Variants in PPIE observed in about 807,000 individuals in gnomAD.
PPIE encodes peptidyl-prolyl cis-trans isomerase E.
In PPIE, 20 loss-of-function variants were observed where a neutral mutation model predicts 38.4. That is an observed-to-expected ratio of 0.52 (90% CI 0.37 to 0.76). PPIE has a LOEUF of 0.76. Ranked by LOEUF, PPIE falls within the 30% of genes least tolerant of loss-of-function variation. The pLI, the probability that PPIE is intolerant of heterozygous loss-of-function variation, is 0.00. For missense variants in PPIE, 322 were observed against 385.8 expected, an observed-to-expected ratio of 0.83 and a Z score of 1.39; for synonymous variants, 142 against 135.7, an observed-to-expected ratio of 1.05 and a Z score of -0.32.
At chr1:39,749,717 G>A (rs1048171867) in intron 8 of PPIE, among the ~76,000 whole-genome samples, 1 of 152,114 alleles carries the variant, frequency 6.6e-6, no homozygotes, top group African/African-American at 2.4e-5. Flanking sequence ...ACTGGATCCT[G>A]TCCCTCTCCT....
chr1:39,763,415 C>T (rs1474927296), intron 9 of PPIE, among the ~76,000 whole-genome samples: 2 of 145,224 alleles, frequency 1.4e-5, no homozygotes, highest in South Asian at 2.2e-4. Flanking sequence ...CCCCTGCCCA[C>T]GCCTCCCAGA....
At chr1:39,758,628 A>T (rs988839439), downstream of PPIE, 1 of 152,286 alleles carries the variant, frequency 6.6e-6, no homozygotes, top group Non-Finnish European at 1.5e-5. Flanking sequence ...GTTGGTAGAC[A>T]GATTCTTTGG....
At position 39,743,264 on chromosome 1, in the gene PPIE, C is replaced by G; in HGVS notation, c.250C>G (p.Pro84Ala). 6.2e-7 allele frequency: 1 copy of G among 1,614,158 alleles called. No individual in the cohort carries two copies. The highest frequency in any genetic ancestry group is 8.5e-7 in the Non-Finnish European group (1 of 1,180,010). ...GRTIRVNLAK[P>A]MRIKEGSSRP... is the part of the protein sequence containing the mutation. The stretch of plus-strand genomic sequence containing the variant: ...TACAATTCGTGTCAATTTGGCCAAA[C>G]CAATGAGAATTAAGGAAGGCTCTTC... Residue 84 changes from proline to alanine, a missense_variant, in exon 5 of 10, where the codon CCA becomes GCA. Coordinates refer to ENST00000324379, the MANE Select transcript of PPIE (RefSeq NM_006112.4).
In PPIE at chr1:39,738,922, T is replaced by C; in HGVS notation, c.22T>C (p.Leu8=). The C allele has an allele frequency of 6.7e-7, 1 of 1,499,488 alleles. No individual in the cohort carries two copies. Among genetic ancestry groups the C allele is most frequent in the Non-Finnish European group, 8.9e-7 (1 of 1,125,874 alleles). The allele number at this position is 1,499,488 out of a possible 1,614,324, so 92.9% of individuals were successfully genotyped here. Residue 8 remains leucine, a synonymous_variant, in exon 1 of 10, where the codon TTG becomes CTG. Coordinates refer to ENST00000324379, the MANE Select transcript of PPIE (RefSeq NM_006112.4). MATTKRV[L]YVGGLAEEVD... ...CAAGATGGCCACCACCAAGCGCGTC[T>C]TGTACGTGGGTGAGCAGGAGGGGTT... is the stretch of plus-strand genomic sequence containing the variant.
At chr1:39,743,358 T>G in intron 5 of PPIE, 61 bp downstream of exon 5, 1 of 1,464,906 alleles carries the variant, frequency 6.8e-7, no homozygotes, top group South Asian at 1.1e-5. Context: ...TAGTTGCATT[T>G]TTTGTCTCTA....
chr1:39,741,501 G>C (rs1418659310), intron 3 of PPIE, 92 bp downstream of exon 3: 1 of 1,339,314 alleles, frequency 7.5e-7, no homozygotes, highest in African/African-American at 1.4e-5. Context: ...TAGGTTTTTG[G>C]GCCTTAGGCT....
intron 7 of PPIE, chr1:39,747,132 T>C (rs2124331610): frequency 6.6e-6 from 1 of 152,346 alleles, no homozygotes; most frequent in African/African-American, 2.4e-5. Flanking sequence ...CATGTATCAG[T>C]GCCTCATTCC....
chr1:39,762,353 G>C, intron 9 of PPIE: 1 of 913,220 alleles, frequency 1.1e-6, no homozygotes, highest in Non-Finnish European at 1.6e-6. Context: ...CATCACCGTT[G>C]AACCTCCTAA....
chr1:39,750,064 C>T (rs991533413), intron 8 of PPIE, among the ~76,000 whole-genome samples: 2 of 151,888 alleles, frequency 1.3e-5, no homozygotes, highest in South Asian at 2.1e-4. Flanking sequence ...ACCTGGGAGG[C>T]GGAGGTTGTG....
intron 8 of PPIE, among the ~76,000 whole-genome samples, chr1:39,751,097 T>C (rs1233135188): frequency 1.3e-5 from 2 of 152,012 alleles, no homozygotes; most frequent in African/African-American, 4.8e-5. Context: ...CAGACGGGAG[T>C]GTCAACTGGA....
Position 39,754,195 on chromosome 1 carries a change from G to A in PPIE, c.*840G>A, listed in dbSNP as rs1648044783. The A allele has an allele frequency of 1.6e-6, 1 of 610,590 alleles. No homozygotes were observed. The highest frequency in any genetic ancestry group is 2.0e-5 in the African/African-American group (1 of 49,762). The allele number at this position is 610,590 out of a possible 1,614,324, so 37.8% of individuals were successfully genotyped here. A position where few individuals can be genotyped will look rare whatever the true frequency, so the allele number is the denominator to read the frequency against. On this transcript the variant is annotated 3_prime_UTR_variant, in exon 10 of 10. Transcript: ENST00000324379. ...CATTTATTTACATATTGTCCATGGTGGTTTCTTACTGCAGTGGCAGAGGTG... is the reference window on the plus strand; with the variant it reads ...CATTTATTTACATATTGTCCATGGTAGTTTCTTACTGCAGTGGCAGAGGTG...
chr1:39,743,536 A>G (rs1352329167), intron 5 of PPIE, among the ~76,000 whole-genome samples: 1 of 152,174 alleles, frequency 6.6e-6, no homozygotes, highest in African/African-American at 2.4e-5. Context: ...GCCTGAGCTC[A>G]TCTTTCCCAG....
exon 10 of PPIE, chr1:39,763,772 G>A (rs767543608): frequency 2.4e-5 from 39 of 1,600,322 alleles, no homozygotes; most frequent in Middle Eastern, 1.7e-4. Flanking sequence ...CCTGCCGGCC[G>A]TGGGAGCCGT....
Position 39,749,041 on chromosome 1 carries a change from G to A in PPIE, c.647G>A (p.Gly216Glu), listed in dbSNP as rs1279330785. The A allele has an allele frequency of 6.2e-7, 1 of 1,609,898 alleles. No homozygotes were observed. The highest frequency in any genetic ancestry group is 8.5e-7 in the Non-Finnish European group (1 of 1,178,884). Residue 216 changes from glycine (G) to glutamate (E), a missense_variant, in exon 8 of 10, where the codon GGG becomes GAG. Transcript: ENST00000324379. ...GGCACTGGGGGCAAGTCCATCTATGGGAAGAAGTTCGATGATGAAAACTTT... is the reference window on the plus strand; with the variant it reads ...GGCACTGGGGGCAAGTCCATCTATGAGAAGAAGTTCGATGATGAAAACTTT... The part of the protein sequence containing the change: ...HNGTGGKSIY[G>E]KKFDDENFIL...
intron 5 of PPIE, among the ~76,000 whole-genome samples, chr1:39,743,617 G>A (rs929847886): frequency 6.6e-6 from 1 of 152,088 alleles, no homozygotes; most frequent in Non-Finnish European, 1.5e-5. Context: ...CTTTGCTTTC[G>A]GCATAGCTAT....
At chr1:39,741,994 T>C (rs1187336553) in intron 4 of PPIE, 73 bp downstream of exon 4, 1 of 1,519,806 alleles carries the variant, frequency 6.6e-7, no homozygotes, top group Admixed American at 1.7e-5. Context: ...CATATATCAG[T>C]GTTCTGGACT....
intron 8 of PPIE, among the ~76,000 whole-genome samples, chr1:39,749,990 G>T (rs1409671160): frequency 6.6e-6 from 1 of 152,024 alleles, no homozygotes; most frequent in East Asian, 1.9e-4. Context: ...AAAATTAGCC[G>T]GGCGTGGTGG....
chr1:39,743,946 C>T (rs768383467), intron 6 of PPIE, 22 bp downstream of exon 6: 94 of 1,577,836 alleles, frequency 6.0e-5, no homozygotes, highest in Non-Finnish European at 7.6e-5. Context: ...GCTCCTGCTT[C>T]CAGAGCACAG....
chr1:39,741,633 AGC>A (rs1647060091), intron 3 of PPIE: 1 of 626,894 alleles, frequency 1.6e-6, no homozygotes, highest in Non-Finnish European at 2.8e-6. Flanking sequence ...CCTGCAGAGG[AGC>A]TAGCTCATGC....
Sources: gnomAD v4.1 joint callset for allele counts (sites outside exome capture counted in the v4.1 genomes callset) on GRCh38, gnomAD v4.1.1 for gene constraint, MANE v1.5 for transcripts, NCBI Gene and HGNC (gene_info 2026-07-23, HGNC 2026-07-21) for gene names.